ZBED6: variants seen among roughly 807,000 people sequenced by gnomAD.
ZBED6 encodes the protein zinc finger BED domain-containing protein 6.
In ZBED6, 40 loss-of-function variants were observed where a neutral mutation model predicts 58.4. The ratio of observed to expected loss-of-function variants is 0.68; its 90% CI spans 0.53 to 0.89. The LOEUF is 0.89. Among genes scored for constraint, ZBED6 ranks in the 40% least tolerant of loss-of-function variants. ZBED6 has a pLI of 0.00. For synonymous variants in ZBED6, 439 were observed against 350.6 expected (o/e 1.25, Z -2.82); for missense variants, 1,057 against 1,003.9 (o/e 1.05, Z -0.71).
exon 1 of ZBED6, chr1:203,798,219 G>A: frequency 6.5e-7 from 1 of 1,536,142 alleles, no homozygotes; most frequent in South Asian, 1.2e-5. Context: ...CAAGAAGCAT[G>A]ATAAATCAGC....
At chr1:203,807,846 A>G (rs184541043) in intron 1 of ZBED6, among the ~76,000 whole-genome samples, 11 of 152,166 alleles carry the variant, frequency 7.2e-5, no homozygotes, top group Admixed American at 5.9e-4. Context: ...GGCTCAAGCA[A>G]TCCTTCTGCC....
intron 3 of ZBED6, among the ~76,000 whole-genome samples, chr1:203,824,327 A>G (rs1679785027): frequency 6.6e-6 from 1 of 151,974 alleles, no homozygotes; most frequent in Non-Finnish European, 1.5e-5. Context: ...TCACTTGCAT[A>G]TGAATTTTAA....
intron 12 of ZBED6, 40 bp from the exon 13 acceptor site, chr1:203,848,291 T>G: frequency 6.5e-7 from 1 of 1,542,388 alleles, no homozygotes; most frequent in Non-Finnish European, 8.9e-7. Flanking sequence ...AAGTTGCAGC[T>G]TAAATAAAAT....
chr1:203,800,263 A>G, exon 1 of ZBED6: 1 of 1,062,328 alleles, frequency 9.4e-7, no homozygotes, highest in Non-Finnish European at 1.4e-6. Context: ...TGTAGTTGGC[A>G]ATCTGAATGT....
At chr1:203,841,073 A>G (rs1361159580) in intron 11 of ZBED6, among the ~76,000 whole-genome samples, 1 of 152,152 alleles carries the variant, frequency 6.6e-6, no homozygotes, top group South Asian at 2.1e-4. Context: ...CTTGCATTGT[A>G]TCAAGTGAAG....
intron 1 of ZBED6, among the ~76,000 whole-genome samples, chr1:203,813,765 C>T (rs550168746): frequency 6.6e-6 from 1 of 152,130 alleles, no homozygotes; most frequent in East Asian, 1.9e-4. Context: ...CTTGGCATTC[C>T]TTGGTTTGTA....
At position 203,845,037 on chromosome 1, in the gene ZBED6, C is replaced by T. The variant is rs184272330; in HGVS notation, c.*3742-2147C>T. Among the ~76,000 whole-genome samples, 5 of 152,210 alleles carry T rather than the reference C, an allele frequency of 3.3e-5. No homozygotes were observed. The East Asian group carries it at 7.7e-4, about 24-fold the overall frequency. The stretch of plus-strand genomic sequence containing the variant: ...ACCCTAATGGTTATGTCAGATCCCA[C>T]CGTTGCTTTTAATATTAGTTAACCC... On this transcript the variant is annotated intron_variant, in intron 11 of 16. Transcript: ENST00000550078.
intron 1 of ZBED6, among the ~76,000 whole-genome samples, chr1:203,815,160 G>C (rs1572038171): frequency 6.9e-6 from 1 of 144,632 alleles, no homozygotes; most frequent in African/African-American, 2.6e-5. Context: ...ATAGTCTCCA[G>C]TTTTTGAACA....
intron 1 of ZBED6, among the ~76,000 whole-genome samples, chr1:203,811,537 CTT>C (rs1462682655): frequency 6.6e-6 from 1 of 152,074 alleles, no homozygotes; most frequent in East Asian, 1.9e-4. Flanking sequence ...GAGGCAGAAT[CTT>C]GCTCTGTTGC....
At chr1:203,801,303 C>T (rs914058229) in exon 1 of ZBED6, 1 of 152,130 alleles carries the variant, frequency 6.6e-6, no homozygotes, top group South Asian at 2.1e-4. Flanking sequence ...TTTTTAAAAA[C>T]ATACTTAATG....
intron 8 of ZBED6, among the ~76,000 whole-genome samples, chr1:203,832,565 TG>T (rs1347023681): frequency 6.6e-6 from 1 of 152,168 alleles, no homozygotes; most frequent in Admixed American, 6.6e-5. Context: ...TTCACCATGT[TG>T]GCCACACTGG....
rs560000196 is a variant in ZBED6 at position 203,799,307 on chromosome 1, T to C, written c.1785T>C (p.Phe595=). 6.8e-4 allele frequency: 484 copies of C among 712,956 alleles called. 5 individuals carry two copies. Among genetic ancestry groups the C allele is most frequent in the South Asian group, 6.3e-3 (425 of 67,794 alleles). 44.2% of individuals were successfully genotyped at this position (712,956 alleles called of 1,614,324 possible). The change falls in exon 1 of 17, where the codon TTT becomes TTC. Residue 595 remains phenylalanine (F), a synonymous_variant. Coordinates refer to ENST00000550078, the Ensembl canonical transcript of ZBED6. ...GTTTAAATATGGTCATTCAGGACTT[T>C]TTCTGCGAGCACAAAAGCATTGAGA...
intron 3 of ZBED6, among the ~76,000 whole-genome samples, chr1:203,826,749 G>A (rs377571931): frequency 4.3e-4 from 66 of 152,170 alleles, no homozygotes; most frequent in African/African-American, 1.5e-3. Context: ...TTAGAGATTC[G>A]ACATAATGCA....
rs1010302351 is a variant in ZBED6, at chr1:203,852,538, G to A, written c.*5271G>A. 4.4e-4 allele frequency: 402 copies of A among 907,554 alleles called. 2 individuals are homozygous for A. The highest frequency in any genetic ancestry group is 5.9e-4 in the Non-Finnish European group (359 of 611,004). The allele number at this position is 907,554 out of a possible 1,614,324, so 56.2% of individuals were successfully genotyped here. ...TCAGAAGTATACCTCTGAATTATCT[G>A]TATGTGTCCTGGATTCCTTGGGGTC... On this transcript the variant is annotated 3_prime_UTR_variant, in exon 17 of 17. Transcript: ENST00000550078.
intron 7 of ZBED6, among the ~76,000 whole-genome samples, chr1:203,831,065 C>T (rs181857223): frequency 6.7e-6 from 1 of 150,142 alleles, no homozygotes; most frequent in Admixed American, 6.7e-5. Context: ...CTGCCTCAGC[C>T]TCCTGAGTAG....
chr1:203,816,465 AT>A (rs1421016292), intron 1 of ZBED6, among the ~76,000 whole-genome samples: 1 of 151,892 alleles, frequency 6.6e-6, no homozygotes, highest in Admixed American at 6.6e-5. Context: ...CTTTACAAAA[AT>A]TTTTTTTAAA....
chr1:203,802,021 G>T (rs1012153291), exon 1 of ZBED6: 1 of 152,550 alleles, frequency 6.6e-6, no homozygotes, highest in Non-Finnish European at 1.5e-5. Context: ...CAGTGATACT[G>T]GTGTTGATAC....
chr1:203,839,509 T>A (rs1267995549), intron 10 of ZBED6, among the ~76,000 whole-genome samples: 2 of 152,224 alleles, frequency 1.3e-5, no homozygotes, highest in Non-Finnish European at 2.9e-5. Flanking sequence ...AATAAGAAAC[T>A]TCTTTTAATT....
rs75665507 is a variant in ZBED6, at chr1:203,816,148, T to C, written c.*2555-778T>C. On this transcript the variant is annotated intron_variant, in intron 1 of 16. Coordinates refer to ENST00000550078, the Ensembl canonical transcript of ZBED6. ...TGATTATATACTTTTGGAATAAAAA[T>C]GCTTGTGAAAATATTTGAAGTTTTT... Among the ~76,000 whole-genome samples, 279 of 152,354 alleles carry C rather than the reference T, an allele frequency of 1.8e-3. 7 individuals carry two copies. In the East Asian group the frequency reaches 0.043, roughly 23 times the overall value.
Sources: gnomAD v4.1 joint callset for allele counts (sites outside exome capture counted in the v4.1 genomes callset) on GRCh38, gnomAD v4.1.1 for gene constraint, MANE v1.5 for transcripts, NCBI Gene and HGNC (gene_info 2026-07-23, HGNC 2026-07-21) for gene names.